Variants in DSG3 observed in about 807,000 individuals in gnomAD.
DSG3 encodes the protein desmoglein 3.
DSG3 carries 63 observed loss-of-function variants against 85.9 expected under a neutral mutation model. That is an observed-to-expected ratio of 0.73 (90% confidence interval 0.60 to 0.90). The LOEUF (loss-of-function observed/expected upper bound fraction) is 0.90, where lower values mean the gene tolerates loss of function less well. DSG3 is among the 40% of genes least tolerant of loss of function. The pLI is 0.00. For missense variants in DSG3, 1,220 were observed against 1,219.9 expected, an observed-to-expected ratio of 1.00 and a Z score of 0.00; for synonymous variants, 447 against 441.9, an observed-to-expected ratio of 1.01 and a Z score of -0.14.
intron 1 of DSG3, 68 bp downstream of exon 1, chr18:31,447,993 T>G: frequency 8.4e-7 from 1 of 1,193,826 alleles, no homozygotes; most frequent in Non-Finnish European, 1.1e-6. Context: ...AATATTATAT[T>G]TGATTGCACA....
chr18:31,453,745 T>A (rs903951490), intron 1 of DSG3, among the ~76,000 whole-genome samples: 3 of 152,068 alleles, frequency 2.0e-5, no homozygotes, highest in Non-Finnish European at 4.4e-5. Context: ...ATTCTCAAGA[T>A]AAGGGAGGTT....
At chr18:31,474,610 C>T (rs536520760) in intron 15 of DSG3, among the ~76,000 whole-genome samples, 1 of 152,182 alleles carries the variant, frequency 6.6e-6, no homozygotes, top group South Asian at 2.1e-4. Context: ...AGAATGGGAG[C>T]CAGGCACAGT....
chr18:31,455,293 T>C (rs1394622495), intron 1 of DSG3, among the ~76,000 whole-genome samples: 1 of 152,108 alleles, frequency 6.6e-6, no homozygotes, highest in East Asian at 1.9e-4. Flanking sequence ...ATTACTCTTC[T>C]AGTTTTTTTT....
At chr18:31,450,100 C>CTTTTTTATGCACAAATTATATAT (rs2072702343) in intron 1 of DSG3, among the ~76,000 whole-genome samples, 1 of 152,078 alleles carries the variant, frequency 6.6e-6, no homozygotes, top group African/African-American at 2.4e-5. Flanking sequence ...ATATGTGGTT[C>CTTTTTTATGCACAAATTATATAT]GCATTTGTGG....
rs542631283 is a variant in DSG3 at position 31,459,153 on chromosome 18, G to A, written c.493G>A (p.Glu165Lys). ...PVFSQQIFMG[E>K]IEENSASNSL... ...ATTTTCACAACAAATTTTCATGGGT[G>A]AAATTGAAGAAAATAGTGCCTCAAG... Residue 165 changes from glutamate (E) to lysine (K), a missense_variant, in exon 5 of 16, where the codon GAA becomes AAA. By Grantham distance (56) the Glu-to-Lys change is moderately conservative (BLOSUM62 1). Coordinates refer to ENST00000257189, the MANE Select transcript of DSG3 (RefSeq NM_001944.3). 1.2e-5 allele frequency: 20 copies of A among 1,612,216 alleles called. No individual in the cohort carries two copies. The highest frequency in any genetic ancestry group is 3.3e-5 in the Admixed American group (2 of 59,846).
Position 31,457,027 on chromosome 18 carries a change from T to C in DSG3, c.119T>C (p.Met40Thr), listed in dbSNP as rs772034464. ...KGQYDEEEMTMQQAKRRQKRE... is the reference protein window; with the variant it reads ...KGQYDEEEMTTQQAKRRQKRE... ...CAATATGATGAAGAAGAGATGACTA[T>C]GCAACAAGCTAAAAGAAGGCAAAAA... The change falls in exon 3 of 16, where the codon ATG (methionine) becomes ACG (threonine). Residue 40 changes from methionine to threonine, a missense_variant. Physicochemically the swap from Met to Thr is moderately conservative, Grantham distance 81 (BLOSUM62 -1). Transcript: ENST00000257189. 2.5e-6 allele frequency: 4 copies of C among 1,613,270 alleles called. No individual in the cohort carries two copies. Among genetic ancestry groups the C allele is most frequent in the Non-Finnish European group, 2.5e-6 (3 of 1,179,622 alleles).
chr18:31,458,096 T>A (rs1193442351), intron 3 of DSG3, among the ~76,000 whole-genome samples: 2 of 152,174 alleles, frequency 1.3e-5, no homozygotes, highest in Non-Finnish European at 2.9e-5. Context: ...ATAAATATCT[T>A]TTGTTTTTTA....
chr18:31,453,409 C>T (rs539462069), intron 1 of DSG3, among the ~76,000 whole-genome samples: 39 of 138,016 alleles, frequency 2.8e-4, no homozygotes, highest in African/African-American at 1.1e-3. Flanking sequence ...AACAAGATCT[C>T]GGCCAAACTA....
intron 1 of DSG3, 143 bp downstream of exon 1, chr18:31,448,068 A>G (rs2072689285): frequency 1.9e-6 from 1 of 519,980 alleles, no homozygotes; most frequent in Non-Finnish European, 3.1e-6. Context: ...AATCGTGAAG[A>G]TTACCAATTT....
chr18:31,462,136 G>A (rs568158349), intron 8 of DSG3, among the ~76,000 whole-genome samples: 1 of 152,106 alleles, frequency 6.6e-6, no homozygotes, highest in African/African-American at 2.4e-5. Context: ...GCAGTGATGT[G>A]ATTTTGGCTC....
At chr18:31,475,613 A>T in intron 15 of DSG3, 33 bp from the exon 16 acceptor site, 2 of 1,595,148 alleles carry the variant, frequency 1.3e-6, no homozygotes, top group South Asian at 1.1e-5. Context: ...TCTTTCTTAA[A>T]ATTCATTTTT....
chr18:31,457,754 A>C (rs1423848795), intron 3 of DSG3, among the ~76,000 whole-genome samples: 2 of 151,750 alleles, frequency 1.3e-5, no homozygotes, highest in African/African-American at 2.4e-5. Context: ...CAGCCTCCTG[A>C]GTAGCTGGGA....
chr18:31,460,693 C>G, intron 6 of DSG3, 140 bp from the exon 7 acceptor site: 1 of 736,552 alleles, frequency 1.4e-6, no homozygotes, highest in Non-Finnish European at 2.1e-6. Context: ...TTAAAGACCT[C>G]CACCCAACCA....
In DSG3 at chr18:31,466,719, A is replaced by G; in HGVS notation, c.1601A>G (p.Lys534Arg). 6.2e-7 allele frequency: 1 copy of G among 1,614,220 alleles called. No homozygotes were observed. Among genetic ancestry groups the G allele is most frequent in the Non-Finnish European group, 8.5e-7 (1 of 1,180,042 alleles). The change falls in exon 11 of 16, where the codon AAG becomes AGG. Residue 534 changes from lysine to arginine, a missense_variant. Coordinates refer to ENST00000257189, the MANE Select transcript of DSG3 (RefSeq NM_001944.3). ...YTFALEDQPV[K>R]LPAVWSITTL... ...TTTGCACTGGAAGATCAACCTGTAA[A>G]GTTGCCTGCCGTATGGAGTATCACA...
At chr18:31,461,458 C>T (rs1186362197) in intron 8 of DSG3, 46 bp downstream of exon 8, 1 of 1,430,636 alleles carries the variant, frequency 7.0e-7, no homozygotes, top group Admixed American at 2.1e-5. Flanking sequence ...TCTGTATTAA[C>T]CAAAATGATC....
intron 9 of DSG3, 60 bp from the exon 10 acceptor site, chr18:31,465,258 A>G (rs1403880218): frequency 8.3e-7 from 1 of 1,202,450 alleles, no homozygotes; most frequent in Admixed American, 3.1e-5. Context: ...AGTCATTTTC[A>G]TTAAATATGT....
At chr18:31,462,043 T>TGTTGTG (rs796826699) in intron 8 of DSG3, among the ~76,000 whole-genome samples, 11 of 152,030 alleles carry the variant, frequency 7.2e-5, no homozygotes, top group African/African-American at 2.7e-4. Flanking sequence ...TGTTTTTTGT[T>TGTTGTG]GTTGTGGTTG....
intron 1 of DSG3, among the ~76,000 whole-genome samples, chr18:31,448,960 A>G (rs774561409): frequency 6.6e-6 from 1 of 152,152 alleles, no homozygotes; most frequent in Non-Finnish European, 1.5e-5. Context: ...GCTGGAGTGC[A>G]GTGGTGCGAT....
chr18:31,455,253 G>A (rs891746698), intron 1 of DSG3, among the ~76,000 whole-genome samples: 5 of 151,628 alleles, frequency 3.3e-5, no homozygotes, highest in South Asian at 2.1e-4. Flanking sequence ...AGCTGATACC[G>A]AAACTACACA....
Sources: allele counts gnomAD v4.1 joint callset (sites outside exome capture counted in the v4.1 genomes callset), GRCh38; gene constraint gnomAD v4.1.1; transcripts MANE v1.5; gene names NCBI Gene and HGNC (gene_info 2026-07-23, HGNC 2026-07-21).